CUEDC1: variants seen among roughly 807,000 people sequenced by gnomAD.
The protein encoded by CUEDC1 is CUE domain-containing protein 1.
A neutral mutation model predicts 43.7 loss-of-function variants in CUEDC1; 30 were observed. That is an observed-to-expected ratio of 0.69 (90% CI 0.51 to 0.93). The LOEUF is 0.93. Ranked by LOEUF, CUEDC1 falls within the 40% of genes least tolerant of loss-of-function variation. The probability of loss-of-function intolerance (pLI) is 0.00; values close to 1 mark genes in which losing one functional copy is unlikely to be tolerated. For synonymous variants in CUEDC1, 223 were observed against 223.6 expected (o/e 1.00, Z 0.02); for missense variants, 486 against 549.0 (o/e 0.89, Z 1.15).
At chr17:57,869,061 G>A (rs2073999611) in intron 7 of CUEDC1, 61 bp downstream of exon 7, 2 of 1,563,444 alleles carry the variant, frequency 1.3e-6, no homozygotes, top group Non-Finnish European at 1.8e-6. Flanking sequence ...TCACTCCTGG[G>A]AGGCCACAGG....
chr17:57,929,824 G>A (rs573732277), intron 1 of CUEDC1, among the ~76,000 whole-genome samples: 6 of 152,098 alleles, frequency 3.9e-5, no homozygotes, highest in African/African-American at 9.6e-5. Flanking sequence ...TTTTTGAGAC[G>A]GAGTTTCGCT....
chr17:57,874,497 C>T (rs1401708647), intron 3 of CUEDC1, among the ~76,000 whole-genome samples: 1 of 152,218 alleles, frequency 6.6e-6, no homozygotes, highest in Non-Finnish European at 1.5e-5. Context: ...GCAGAGCCAA[C>T]AGCTGGGCAA....
At chr17:57,910,681 G>T (rs2074573489) in intron 1 of CUEDC1, among the ~76,000 whole-genome samples, 1 of 152,082 alleles carries the variant, frequency 6.6e-6, no homozygotes, top group African/African-American at 2.4e-5. Context: ...AAAAAGAAAA[G>T]AAATATGCCA....
In CUEDC1 at chr17:57,880,620, C is replaced by G. The variant is rs150164434; in HGVS notation, c.337-882G>C. 4.8e-3 allele frequency among the ~76,000 whole-genome samples: 730 copies of G among 152,280 alleles called. 6 individuals are homozygous for G. The highest frequency in any genetic ancestry group is 0.017 in the African/African-American group (710 of 41,552). On this transcript the variant is annotated intron_variant, in intron 2 of 10. Transcript: ENST00000577830. ...TCCACTGACCGACTTAGATTCTTCC[C>G]CAGAAGCCCAGAGAGGAGTTTGGGG...
At position 57,954,664 on chromosome 17, in the gene CUEDC1, G is replaced by A. The variant is rs1380027313; in HGVS notation, c.-316+561C>T. Among the ~76,000 whole-genome samples the A allele has an allele frequency of 6.6e-6, 1 of 152,000 alleles. No individual in the cohort carries two copies. The highest frequency in any genetic ancestry group is 1.5e-5 in the Non-Finnish European group (1 of 67,972). Reference sequence around the variant, plus strand: ...ATACAGCTCCCAGGGGACCGGGAGGGACCAAAAAAGGCTGAGCCGACCTGT... The same window carrying A: ...ATACAGCTCCCAGGGGACCGGGAGGAACCAAAAAAGGCTGAGCCGACCTGT... On this transcript the variant is annotated intron_variant, in intron 1 of 10. Transcript: ENST00000577830. The surrounding 1 kb of genome is among the most constrained non-coding windows in gnomAD (Gnocchi z 4.3).
At chr17:57,906,370 T>C in intron 1 of CUEDC1, among the ~76,000 whole-genome samples, 1 of 152,232 alleles carries the variant, frequency 6.6e-6, no homozygotes, top group Non-Finnish European at 1.5e-5. Context: ...AGTACAAATA[T>C]TGTATAATTC....
rs778049764 is a variant in CUEDC1 at position 57,866,464 on chromosome 17, C to G, written c.*3+10G>C. 8.1e-6 allele frequency: 13 copies of G among 1,613,868 alleles called. No individual in the cohort carries two copies. The highest frequency in any genetic ancestry group is 7.6e-6 in the Non-Finnish European group (9 of 1,179,788). ...GGCAGTCCCTGGGTTGCTATGGCTCCAGGCCTTACCTCTTACTGTCCTTCT... is the reference window on the plus strand; with the variant it reads ...GGCAGTCCCTGGGTTGCTATGGCTCGAGGCCTTACCTCTTACTGTCCTTCT... On this transcript the variant is annotated intron_variant, in intron 10 of 10. Transcript: ENST00000577830.
In CUEDC1 at chr17:57,864,117, G is replaced by A. The variant is rs115410439; in HGVS notation, c.*4-832C>T. On this transcript the variant is annotated intron_variant, in intron 10 of 10. Coordinates refer to ENST00000577830, the MANE Select transcript of CUEDC1 (RefSeq NM_001271875.2). The stretch of plus-strand genomic sequence containing the variant: ...GGTGGGATAATCAGAGTAGGTAGGG[G>A]CAGTGAAGAGAACAGGGCTGTGACC... 7.3e-3 allele frequency among the ~76,000 whole-genome samples: 1,111 copies of A among 152,222 alleles called. 14 individuals carry two copies. Among genetic ancestry groups the A allele is most frequent in the African/African-American group, 0.025 (1,050 of 41,542 alleles).
intron 7 of CUEDC1, 103 bp downstream of exon 7, chr17:57,869,019 G>A (rs1300663630): frequency 1.7e-6 from 2 of 1,154,514 alleles, no homozygotes; most frequent in East Asian, 5.0e-5. Context: ...TTCACCAAGA[G>A]TCAGCTGCAT....
intron 1 of CUEDC1, among the ~76,000 whole-genome samples, chr17:57,913,119 G>C (rs1297579525): frequency 6.6e-6 from 1 of 151,850 alleles, no homozygotes; most frequent in Non-Finnish European, 1.5e-5. Flanking sequence ...TGAGGTCAGG[G>C]GTTCAAGACC....
rs531778660 is a variant in CUEDC1, at chr17:57,916,123, G to T, written c.-315-30244C>A. On this transcript the variant is annotated intron_variant, in intron 1 of 10. Transcript: ENST00000577830. ...AAAGGTTAAAGGCCTCACCCTCAAG[G>T]TCCCACCAAAGAATCGAAGCTGGTG... Among the ~76,000 whole-genome samples the T allele has an allele frequency of 2.0e-5, 3 of 152,348 alleles. No individual in the cohort carries two copies. The East Asian group carries it at 5.8e-4, about 29-fold the overall frequency.
intron 1 of CUEDC1, among the ~76,000 whole-genome samples, chr17:57,936,231 CCAG>C (rs1567723668): frequency 6.6e-6 from 1 of 152,128 alleles, no homozygotes; most frequent in Non-Finnish European, 1.5e-5. Context: ...GTGTGGACTC[CCAG>C]GGCCCCTGAG....
intron 6 of CUEDC1, chr17:57,870,020 G>A (rs1321730029): frequency 6.6e-6 from 1 of 152,308 alleles, no homozygotes; most frequent in African/African-American, 2.4e-5. Context: ...TGAGCCCTAA[G>A]CTCCCAGCCT....
At chr17:57,883,435 C>T (rs2074243366) in intron 2 of CUEDC1, among the ~76,000 whole-genome samples, 1 of 152,212 alleles carries the variant, frequency 6.6e-6, no homozygotes, top group Non-Finnish European at 1.5e-5. Context: ...GAAGAGATGA[C>T]ACATCGGGCC....
In CUEDC1 at chr17:57,885,276, C is replaced by T. The variant is rs989827439; in HGVS notation, c.289G>A (p.Gly97Ser). Residue 97 changes from glycine (G) to serine (S), a missense_variant, in exon 2 of 11, where the codon GGC becomes AGC. By Grantham distance (56) the Gly-to-Ser change is moderately conservative (BLOSUM62 0). Transcript: ENST00000577830. ...GAGTCGGAGCTGTCCTCATAGACGC[C>T]GCCGCTGCTGCCACCGCCCTCCAGG... ...MNLEGGGSSG[G>S]VYEDSSDSED... The T allele has an allele frequency of 3.1e-6, 5 of 1,605,786 alleles. No homozygotes were observed. The African/African-American group carries it at 4.0e-5, about 13-fold the overall frequency.
At chr17:57,900,673 A>T (rs2074461748) in intron 1 of CUEDC1, among the ~76,000 whole-genome samples, 1 of 152,206 alleles carries the variant, frequency 6.6e-6, no homozygotes, top group Non-Finnish European at 1.5e-5. Context: ...AGATACACTG[A>T]GTCGTGTGTG....
chr17:57,893,795 C>G (rs1407078024), intron 1 of CUEDC1, among the ~76,000 whole-genome samples: 2 of 152,234 alleles, frequency 1.3e-5, no homozygotes, highest in African/African-American at 4.8e-5. Context: ...TCTTCTACAT[C>G]TGTAAAACAC....
intron 2 of CUEDC1, among the ~76,000 whole-genome samples, chr17:57,880,715 T>G (rs1815375160): frequency 6.6e-6 from 1 of 152,226 alleles, no homozygotes. Flanking sequence ...GTATATGTTC[T>G]CCTGCCTCGG....
rs1011024926 is a variant in CUEDC1 at position 57,862,863 on chromosome 17, G to A, written c.*426C>T. 5.9e-5 allele frequency: 9 copies of A among 152,388 alleles called. No homozygotes were observed. Among genetic ancestry groups the A allele is most frequent in the African/African-American group, 2.2e-4 (9 of 41,466 alleles). 9.4% of individuals were successfully genotyped at this position (152,388 alleles called of 1,614,324 possible). ...GGCAGAGTCTGTGACAGGAGAGATAGAGAACGGACGGAGGCAGAGACTCCA... is the reference window on the plus strand; with the variant it reads ...GGCAGAGTCTGTGACAGGAGAGATAAAGAACGGACGGAGGCAGAGACTCCA... On this transcript the variant is annotated 3_prime_UTR_variant, in exon 11 of 11. Coordinates refer to ENST00000577830, the MANE Select transcript of CUEDC1 (RefSeq NM_001271875.2).
Sources: gnomAD v4.1 joint callset for allele counts (sites outside exome capture counted in the v4.1 genomes callset) on GRCh38, gnomAD v4.1.1 for gene constraint, Gnocchi (gnomAD v3.1) non-coding constraint, MANE v1.5 for transcripts, NCBI Gene and HGNC (gene_info 2026-07-23, HGNC 2026-07-21) for gene names.